Variants in OR51B5 observed in about 807,000 individuals in gnomAD.
OR51B5 encodes olfactory receptor family 51 subfamily B member 5, also known as olfactory receptor 51B5.
For missense variants in OR51B5, 456 were observed against 374.6 expected (o/e 1.22, Z -1.79); for synonymous variants, 186 against 144.8 (o/e 1.28, Z -2.04).
intron 1 of OR51B5, among the ~76,000 whole-genome samples, chr11:5,429,958 C>T (rs1445233150): frequency 6.6e-6 from 1 of 152,146 alleles, no homozygotes; most frequent in Non-Finnish European, 1.5e-5. Flanking sequence ...TGTTCATTCT[C>T]AGAGTGTCGG....
At chr11:5,379,745 A>C (rs945208608) in intron 1 of OR51B5, among the ~76,000 whole-genome samples, 1 of 152,154 alleles carries the variant, frequency 6.6e-6, no homozygotes, top group Non-Finnish European at 1.5e-5. Context: ...AAAAACGTTT[A>C]ATCCATTTTT....
At chr11:5,447,627 G>C (rs1251365210) in intron 1 of OR51B5, among the ~76,000 whole-genome samples, 1 of 152,022 alleles carries the variant, frequency 6.6e-6, no homozygotes, top group African/African-American at 2.4e-5. Context: ...GTGATATTGG[G>C]ATTGAGCCTC....
chr11:5,380,667 A>C lies in OR51B5; in HGVS notation n.85-33757T>G, dbSNP rs531075090. 5.9e-5 allele frequency among the ~76,000 whole-genome samples: 9 copies of C among 152,304 alleles called. No homozygotes were observed. The East Asian group carries it at 1.7e-3, about 29-fold the overall frequency. The stretch of plus-strand genomic sequence containing the variant: ...TTGTGTGAGATTACCATCTGTAAAA[A>C]TCTGAAAAAGCTAAGAAAACCTATC... On this transcript the variant is annotated intron_variant and non_coding_transcript_variant, in intron 1 of 4. Transcript: ENST00000415970.
chr11:5,485,728 T>C (rs772265774), intron 1 of OR51B5, among the ~76,000 whole-genome samples: 3 of 152,176 alleles, frequency 2.0e-5, no homozygotes, highest in Non-Finnish European at 2.9e-5. Flanking sequence ...TTCTGAGATC[T>C]GCATGGCTAG....
At chr11:5,383,275 A>G (rs1310870651) in intron 1 of OR51B5, among the ~76,000 whole-genome samples, 4 of 152,176 alleles carry the variant, frequency 2.6e-5, no homozygotes, top group Admixed American at 6.5e-5. Flanking sequence ...TTGAATATGC[A>G]AGATTGACTT....
intron 1 of OR51B5, among the ~76,000 whole-genome samples, chr11:5,377,880 T>C (rs948361579): frequency 2.6e-5 from 4 of 152,122 alleles, no homozygotes; most frequent in African/African-American, 9.7e-5. Flanking sequence ...AAAATGGCCA[T>C]AATGCCCAAG....
intron 1 of OR51B5, among the ~76,000 whole-genome samples, chr11:5,474,412 C>A (rs1289653236): frequency 6.6e-6 from 1 of 152,122 alleles, no homozygotes; most frequent in Non-Finnish European, 1.5e-5. Context: ...AATAATCAAG[C>A]AGGTCTATAG....
At chr11:5,381,167 C>CTT (rs199629139) in intron 1 of OR51B5, among the ~76,000 whole-genome samples, 19,262 of 123,880 alleles carry the variant, frequency 0.16, 1,359 homozygotes, top group South Asian at 0.23. Flanking sequence ...GTTTCTCTCT[C>CTT]TCTCTCTCAC....
chr11:5,424,989 A>AAAG (rs1850426450), intron 1 of OR51B5, among the ~76,000 whole-genome samples: 1 of 143,134 alleles, frequency 7.0e-6, no homozygotes, highest in Non-Finnish European at 1.5e-5. Context: ...CTCAAAAAAA[A>AAAG]AAAAAAAAGA....
At chr11:5,367,631 G>A (rs1250922421) in intron 1 of OR51B5, among the ~76,000 whole-genome samples, 1 of 152,084 alleles carries the variant, frequency 6.6e-6, no homozygotes. Flanking sequence ...AGGTCTTTAT[G>A]ACCTGTATCT....
chr11:5,445,238 T>C (rs1302354493), intron 1 of OR51B5, among the ~76,000 whole-genome samples: 2 of 152,208 alleles, frequency 1.3e-5, no homozygotes, highest in African/African-American at 4.8e-5. Context: ...TTTAAATACA[T>C]TTCCCTGCTT....
chr11:5,424,454 G>C (rs574605289), intron 1 of OR51B5, among the ~76,000 whole-genome samples: 1 of 152,240 alleles, frequency 6.6e-6, no homozygotes, highest in South Asian at 2.1e-4. Flanking sequence ...TCACCACACA[G>C]GAAGAGGAGA....
chr11:5,458,604 C>T (rs1408688253), intron 1 of OR51B5, among the ~76,000 whole-genome samples: 2 of 152,078 alleles, frequency 1.3e-5, no homozygotes. Context: ...AATGTTTTCC[C>T]ATTTGTTTGT....
At chr11:5,420,949 A>G (rs1850324488) in intron 1 of OR51B5, among the ~76,000 whole-genome samples, 1 of 152,164 alleles carries the variant, frequency 6.6e-6, no homozygotes, top group Non-Finnish European at 1.5e-5. Flanking sequence ...TCTTTCAACT[A>G]CAGCTCTCTT....
Position 5,389,914 on chromosome 11 carries a change from C to T in OR51B5, n.85-43004G>A, listed in dbSNP as rs750910193. On this transcript the variant is annotated intron_variant and non_coding_transcript_variant, in intron 1 of 4. Transcript: ENST00000415970. ...GACCTGTGGCCACTATCCCTATTGT[C>T]CTCCTCCTGAAGGCTTTTCCCTACT... is the stretch of plus-strand genomic sequence containing the variant. The T allele has an allele frequency of 4.3e-6, 7 of 1,611,678 alleles. 1 individual carries two copies. In the Admixed American group the frequency reaches 1.0e-4, roughly 23 times the overall value.
intron 1 of OR51B5, among the ~76,000 whole-genome samples, chr11:5,435,219 G>T (rs16930849): frequency 0.036 from 5,489 of 152,266 alleles, 272 homozygotes; most frequent in African/African-American, 0.12. Context: ...GTGATGGGGA[G>T]TTTATCGCAT....
chr11:5,387,429 T>C (rs1484657100), intron 1 of OR51B5, among the ~76,000 whole-genome samples: 1 of 152,108 alleles, frequency 6.6e-6, no homozygotes, highest in East Asian at 1.9e-4. Flanking sequence ...AACTGAGAAG[T>C]AAAGAAATGG....
At chr11:5,357,113 T>C (rs1210184494) in intron 1 of OR51B5, among the ~76,000 whole-genome samples, 1 of 151,902 alleles carries the variant, frequency 6.6e-6, no homozygotes, top group Admixed American at 6.6e-5. Flanking sequence ...CAGGATCAAA[T>C]TCACACATAA....
At chr11:5,438,997 C>A (rs1174742205) in intron 1 of OR51B5, among the ~76,000 whole-genome samples, 1 of 152,168 alleles carries the variant, frequency 6.6e-6, no homozygotes, top group East Asian at 1.9e-4. Context: ...TCTCCGAAGA[C>A]TTCCTGATCA....
Sources: gnomAD v4.1 joint callset for allele counts (sites outside exome capture counted in the v4.1 genomes callset) on GRCh38, gnomAD v4.1.1 for gene constraint, MANE v1.5 for transcripts, NCBI Gene and HGNC (gene_info 2026-07-23, HGNC 2026-07-21) for gene names.